The following MPHOSPH9 variants were observed in gnomAD, a reference collection of about 807,000 sequenced individuals.
The protein encoded by MPHOSPH9 is M-phase phosphoprotein 9.
Under a neutral mutation model 145.5 loss-of-function variants are expected in MPHOSPH9, and 88 were observed. The observed-to-expected ratio is 0.60, with a 90% CI of 0.51 to 0.72. MPHOSPH9 has a LOEUF of 0.72. Ranked by LOEUF, MPHOSPH9 falls within the 30% of genes least tolerant of loss-of-function variation. MPHOSPH9 has a pLI of 0.00. For missense variants in MPHOSPH9, 1,238 were observed against 1,386.6 expected, an observed-to-expected ratio of 0.89 and a Z score of 1.70; for synonymous variants, 435 against 486.2, an observed-to-expected ratio of 0.89 and a Z score of 1.39.
At chr12:123,198,418 A>G (rs1379619156) in intron 11 of MPHOSPH9, 84 bp from the exon 12 acceptor site, 2 of 1,089,954 alleles carry the variant, frequency 1.8e-6, no homozygotes, top group African/African-American at 1.6e-5. Context: ...ATTCTCTAAT[A>G]TATAACATAA....
At position 123,226,990 on chromosome 12, in the gene MPHOSPH9, C is replaced by T. The variant is rs540947028; in HGVS notation, c.258+473G>A. On this transcript the variant is annotated intron_variant, in intron 3 of 23. Coordinates refer to ENST00000606320, the MANE Select transcript of MPHOSPH9 (RefSeq NM_022782.4). Reference sequence around the variant, plus strand: ...TTTATATCACAATTTAACCTATGAACCAAAGAAAGAACCACTGATCTGAAA... The same window carrying T: ...TTTATATCACAATTTAACCTATGAATCAAAGAAAGAACCACTGATCTGAAA... 1.9e-4 allele frequency among the ~76,000 whole-genome samples: 29 copies of T among 152,090 alleles called. 1 individual carries two copies. In the South Asian group the frequency reaches 6.0e-3, roughly 32 times the overall value.
At chr12:123,185,069 A>G (rs911983334) in intron 13 of MPHOSPH9, among the ~76,000 whole-genome samples, 2 of 152,098 alleles carry the variant, frequency 1.3e-5, no homozygotes, top group Admixed American at 6.6e-5. Context: ...CTCCCAAAGC[A>G]CTGAGATTAT....
chr12:123,167,270 T>G (rs1354053879), intron 16 of MPHOSPH9, among the ~76,000 whole-genome samples: 1 of 152,156 alleles, frequency 6.6e-6, no homozygotes, highest in East Asian at 1.9e-4. Context: ...GAAGAACCAA[T>G]TATAAAACGT....
At chr12:123,160,741 C>T (rs751631778) in intron 23 of MPHOSPH9, 40 bp downstream of exon 23, 1 of 1,575,216 alleles carries the variant, frequency 6.3e-7, no homozygotes, top group East Asian at 2.2e-5. Flanking sequence ...CACTGACTGG[C>T]ATCAAGCCTC....
intron 13 of MPHOSPH9, among the ~76,000 whole-genome samples, chr12:123,190,471 T>C (rs1009144470): frequency 1.2e-4 from 19 of 152,144 alleles, no homozygotes; most frequent in African/African-American, 4.1e-4. Flanking sequence ...TTTCTTAAAA[T>C]AGGTGGTGGA....
chr12:123,166,993 T>C (rs1165147138), intron 16 of MPHOSPH9, among the ~76,000 whole-genome samples: 1 of 152,262 alleles, frequency 6.6e-6, no homozygotes, highest in Non-Finnish European at 1.5e-5. Context: ...TTCTGTTACT[T>C]CTGAATCTCA....
intron 15 of MPHOSPH9, among the ~76,000 whole-genome samples, chr12:123,179,198 C>T (rs575612967): frequency 1.1e-4 from 17 of 152,224 alleles, no homozygotes; most frequent in Middle Eastern, 3.4e-3. Context: ...GTGGATGAGA[C>T]GAGAGGATCA....
chr12:123,206,465 A>T (rs1403075561), intron 8 of MPHOSPH9, among the ~76,000 whole-genome samples: 2 of 149,824 alleles, frequency 1.3e-5, no homozygotes, highest in African/African-American at 4.9e-5. Flanking sequence ...GTGAAGAAAG[A>T]AAGAGAGAAA....
intron 15 of MPHOSPH9, 111 bp from the exon 16 acceptor site, chr12:123,176,900 G>T: frequency 1.2e-6 from 1 of 801,550 alleles, no homozygotes; most frequent in South Asian, 1.6e-5. Flanking sequence ...TAAAAGAGTT[G>T]CAAGTCCATG....
At chr12:123,219,500 C>T (rs1469664109) in intron 5 of MPHOSPH9, among the ~76,000 whole-genome samples, 2 of 148,808 alleles carry the variant, frequency 1.3e-5, no homozygotes, top group African/African-American at 2.5e-5. Flanking sequence ...TTGCAGTGAG[C>T]CGAGATTGCG....
chr12:123,213,176 C>G (rs544323331), intron 7 of MPHOSPH9, among the ~76,000 whole-genome samples: 1 of 151,868 alleles, frequency 6.6e-6, no homozygotes, highest in Non-Finnish European at 1.5e-5. Flanking sequence ...CTGTTTTTCA[C>G]TCTCAGTGTT....
At chr12:123,182,909 G>T (rs2045253368) in intron 13 of MPHOSPH9, among the ~76,000 whole-genome samples, 1 of 148,946 alleles carries the variant, frequency 6.7e-6, no homozygotes, top group African/African-American at 2.5e-5. Flanking sequence ...GTGACATCTT[G>T]TCTCAAAAAT....
chr12:123,165,869 C>G (rs2044297271), intron 17 of MPHOSPH9, among the ~76,000 whole-genome samples: 1 of 152,158 alleles, frequency 6.6e-6, no homozygotes, highest in South Asian at 2.1e-4. Flanking sequence ...ACAGTCCAAG[C>G]TAAAACACAC....
At chr12:123,235,451 G>A (rs532431663), upstream of MPHOSPH9, among the ~76,000 whole-genome samples, 2 of 151,938 alleles carry the variant, frequency 1.3e-5, no homozygotes, top group East Asian at 1.9e-4. Context: ...TGCAAGCTCC[G>A]CCCCCCAGGT....
chr12:123,223,130 AT>A lies in MPHOSPH9; in HGVS notation c.259-4del. 1.5e-6 allele frequency: 2 copies of A among 1,367,510 alleles called. No homozygotes were observed. Among genetic ancestry groups the A allele is most frequent in the Non-Finnish European group, 1.9e-6 (2 of 1,061,694 alleles). The allele number at this position is 1,367,510 out of a possible 1,614,324, so 84.7% of individuals were successfully genotyped here. A position where few individuals can be genotyped will look rare whatever the true frequency, so the allele number is the denominator to read the frequency against. Reference sequence around the variant, plus strand: ...TTGAATAGCTGTAACCACCTGGTCTATTAAATTATAAAATATTTTAGTTAAA... The same window carrying A: ...TTGAATAGCTGTAACCACCTGGTCTATAAATTATAAAATATTTTAGTTAAA... On this transcript the variant is annotated splice_polypyrimidine_tract_variant and splice_region_variant and intron_variant, in intron 3 of 23. Transcript: ENST00000606320.
At chr12:123,185,437 A>G (rs2045400555) in intron 13 of MPHOSPH9, among the ~76,000 whole-genome samples, 1 of 152,190 alleles carries the variant, frequency 6.6e-6, no homozygotes, top group Non-Finnish European at 1.5e-5. Flanking sequence ...AAGGAATGAG[A>G]AACATGATTA....
At chr12:123,193,116 C>T (rs866215099) in intron 13 of MPHOSPH9, among the ~76,000 whole-genome samples, 3,040 of 117,386 alleles carry the variant, frequency 0.026, 97 homozygotes, top group South Asian at 0.091. Context: ...TATACACACA[C>T]ACACACACAC....
rs141970695 is a variant in MPHOSPH9 at position 123,188,700 on chromosome 12, T to C, written c.2241+5686A>G. On this transcript the variant is annotated intron_variant, in intron 13 of 23. Coordinates refer to ENST00000606320, the MANE Select transcript of MPHOSPH9 (RefSeq NM_022782.4). ...CCATCTCTACTAAAATACAAAAAAT[T>C]AGCCAGGCATGGTGGTGCACACCTG... Among the ~76,000 whole-genome samples, 20 of 152,102 alleles carry C rather than the reference T, an allele frequency of 1.3e-4. No individual in the cohort carries two copies. In the East Asian group the frequency reaches 3.5e-3, roughly 26 times the overall value.
At chr12:123,158,026 GT>G (rs2043946326) in intron 23 of MPHOSPH9, among the ~76,000 whole-genome samples, 1 of 150,500 alleles carries the variant, frequency 6.6e-6, no homozygotes, top group Admixed American at 6.6e-5. Flanking sequence ...GTCTCGCTCT[GT>G]TGCCCAGACT....
Sources: allele counts gnomAD v4.1 joint callset (sites outside exome capture counted in the v4.1 genomes callset), GRCh38; gene constraint gnomAD v4.1.1; transcripts MANE v1.5; gene names NCBI Gene and HGNC (gene_info 2026-07-23, HGNC 2026-07-21).